Variants in IFI27L1 observed in about 807,000 individuals in gnomAD.
IFI27L1 encodes the protein interferon alpha-inducible protein 27-like protein 1.
IFI27L1 carries 3 observed loss-of-function variants against 9.2 expected under a neutral mutation model. The observed-to-expected ratio is 0.32, with a 90% CI of 0.15 to 0.84. The LOEUF (loss-of-function observed/expected upper bound fraction) is 0.84, where lower values mean the gene tolerates loss of function less well. IFI27L1 is among the 40% of genes least tolerant of loss of function. The pLI is 0.56. For missense variants in IFI27L1, 133 were observed against 134.2 expected, an observed-to-expected ratio of 0.99 and a Z score of 0.05; for synonymous variants, 53 against 50.0, an observed-to-expected ratio of 1.06 and a Z score of -0.26.
chr14:94,091,755 A>G (rs1345249988), intron 1 of IFI27L1, among the ~76,000 whole-genome samples: 2 of 152,196 alleles, frequency 1.3e-5, no homozygotes, highest in Non-Finnish European at 2.9e-5. Context: ...AGCTTTCCAA[A>G]CAATCTCTTT....
chr14:94,096,321 C>T (rs1886661590), intron 1 of IFI27L1, among the ~76,000 whole-genome samples: 1 of 152,200 alleles, frequency 6.6e-6, no homozygotes, highest in Non-Finnish European at 1.5e-5. Context: ...TGTTTTATAT[C>T]CCTGATGCTT....
At chr14:94,085,270 T>C (rs977444684) in intron 1 of IFI27L1, among the ~76,000 whole-genome samples, 2 of 152,180 alleles carry the variant, frequency 1.3e-5, no homozygotes, top group Non-Finnish European at 2.9e-5. Context: ...GGGAATCAGA[T>C]TGCCTGGAGT....
Position 94,102,596 on chromosome 14 carries a change from C to T in IFI27L1, c.*28C>T. ...ACCACACTGAGGCAGGGAGTTGGCT[C>T]TCTTGGTGGAGATGACTTTCCTGGG... is the stretch of plus-strand genomic sequence containing the variant. On this transcript the variant is annotated 3_prime_UTR_variant, in exon 5 of 5. Transcript: ENST00000555523. The T allele has an allele frequency of 2.2e-6, 3 of 1,369,616 alleles. No individual in the cohort carries two copies. Among genetic ancestry groups the T allele is most frequent in the Non-Finnish European group, 2.9e-6 (3 of 1,019,566 alleles). 84.8% of individuals were successfully genotyped at this position (1,369,616 alleles called of 1,614,324 possible). A position where few individuals can be genotyped will look rare whatever the true frequency, so the allele number is the denominator to read the frequency against.
chr14:94,100,847 C>A, intron 3 of IFI27L1, 76 bp downstream of exon 3: 1 of 1,521,680 alleles, frequency 6.6e-7, no homozygotes, highest in Non-Finnish European at 9.1e-7. Context: ...GAGAAACTGG[C>A]TTTGACCAAA....
chr14:94,083,046 T>G (rs766850159), intron 1 of IFI27L1, among the ~76,000 whole-genome samples: 4 of 152,216 alleles, frequency 2.6e-5, no homozygotes, highest in Admixed American at 6.5e-5. Context: ...TAGATATCAT[T>G]AAGAACATTT....
chr14:94,086,127 A>C (rs146232172), intron 1 of IFI27L1, among the ~76,000 whole-genome samples: 2 of 152,220 alleles, frequency 1.3e-5, no homozygotes, highest in Non-Finnish European at 2.9e-5. Context: ...CTGCTTCATA[A>C]TAAGTGAGCT....
intron 1 of IFI27L1, among the ~76,000 whole-genome samples, chr14:94,082,259 G>T (rs1176745269): frequency 1.3e-5 from 2 of 151,684 alleles, no homozygotes; most frequent in Admixed American, 1.3e-4. Context: ...TCTATTCTAT[G>T]ATGACTGAGA....
At chr14:94,083,298 G>C (rs1418649055) in intron 1 of IFI27L1, among the ~76,000 whole-genome samples, 1 of 152,244 alleles carries the variant, frequency 6.6e-6, no homozygotes, top group South Asian at 2.1e-4. Flanking sequence ...ACCAAAGAAA[G>C]TGGTTTCTTG....
intron 1 of IFI27L1, among the ~76,000 whole-genome samples, chr14:94,083,703 A>G (rs775450922): frequency 3.9e-5 from 6 of 152,270 alleles, no homozygotes; most frequent in Non-Finnish European, 7.3e-5. Flanking sequence ...GTGAGTGTTC[A>G]TTGTACTATT....
intron 2 of IFI27L1, among the ~76,000 whole-genome samples, chr14:94,099,313 G>T (rs76254104): frequency 6.6e-6 from 1 of 152,182 alleles, no homozygotes; most frequent in East Asian, 1.9e-4. Flanking sequence ...AGACTTGCTG[G>T]TGAGAGCAGG....
intron 2 of IFI27L1, among the ~76,000 whole-genome samples, chr14:94,098,376 C>G (rs1478441318): frequency 6.6e-6 from 1 of 152,138 alleles, no homozygotes; most frequent in Non-Finnish European, 1.5e-5. Flanking sequence ...GGGCTTCTCC[C>G]TGTGTGACTC....
At chr14:94,092,905 T>C (rs1886530290) in intron 1 of IFI27L1, among the ~76,000 whole-genome samples, 1 of 152,152 alleles carries the variant, frequency 6.6e-6, no homozygotes, top group African/African-American at 2.4e-5. Context: ...TTTCATTTGC[T>C]CTTTGCCAGC....
chr14:94,088,505 T>C (rs28514616), intron 1 of IFI27L1, among the ~76,000 whole-genome samples: 1 of 118,954 alleles, frequency 8.4e-6, no homozygotes, highest in African/African-American at 3.5e-5. Context: ...CAATCTTTTT[T>C]TTTTTTTTTT....
intron 1 of IFI27L1, among the ~76,000 whole-genome samples, chr14:94,084,810 G>C (rs567709472): frequency 7.9e-5 from 12 of 152,320 alleles, no homozygotes; most frequent in African/African-American, 2.6e-4. Context: ...GAGAGATAAG[G>C]CTCACTAGCC....
chr14:94,097,590 C>G lies in IFI27L1; in HGVS notation c.28+625C>G. 4.3e-6 allele frequency: 3 copies of G among 701,458 alleles called. No individual in the cohort carries two copies. The South Asian group carries it at 4.4e-5, about 10-fold the overall frequency. 43.5% of individuals were successfully genotyped at this position (701,458 alleles called of 1,614,324 possible). ...CAGAGAGACAAGTTAGGAAGCTCCT[C>G]CAGTCATCCCACTGAGAGACGCGGG... On this transcript the variant is annotated intron_variant, in intron 2 of 4. Transcript: ENST00000555523.
intron 2 of IFI27L1, among the ~76,000 whole-genome samples, chr14:94,098,512 A>C (rs1266061696): frequency 1.3e-5 from 2 of 152,224 alleles, no homozygotes; most frequent in African/African-American, 2.4e-5. Flanking sequence ...AATTAAGGTC[A>C]CATTCACAAG....
At chr14:94,102,373 TG>T in intron 4 of IFI27L1, 103 bp from the exon 5 acceptor site, 1 of 671,390 alleles carries the variant, frequency 1.5e-6, no homozygotes. Context: ...TTGGACTGCC[TG>T]GGCCTCAGGT....
intron 2 of IFI27L1, chr14:94,097,413 G>A: frequency 1.7e-6 from 1 of 581,052 alleles, no homozygotes; most frequent in Non-Finnish European, 3.1e-6. Flanking sequence ...GTGCCTGAGA[G>A]CCCCTCCTTG....
At chr14:94,098,335 A>C (rs1886751449) in intron 2 of IFI27L1, among the ~76,000 whole-genome samples, 1 of 152,102 alleles carries the variant, frequency 6.6e-6, no homozygotes, top group South Asian at 2.1e-4. Flanking sequence ...TTGTGGCTGC[A>C]TCACTCCCAT....
Sources: gnomAD v4.1 joint callset for allele counts (sites outside exome capture counted in the v4.1 genomes callset) on GRCh38, gnomAD v4.1.1 for gene constraint, MANE v1.5 for transcripts, NCBI Gene and HGNC (gene_info 2026-07-23, HGNC 2026-07-21) for gene names.